Variants in SORCS2 observed in about 807,000 individuals in gnomAD.
The protein encoded by SORCS2 is VPS10 domain-containing receptor SorCS2.
In SORCS2, 100 loss-of-function variants were observed where a neutral mutation model predicts 141.6. That is an observed-to-expected ratio of 0.71 (90% CI 0.60 to 0.83). The LOEUF (loss-of-function observed/expected upper bound fraction) is 0.83, where lower values mean the gene tolerates loss of function less well. SORCS2 is among the 40% of genes least tolerant of loss of function. The pLI, the probability that SORCS2 is intolerant of heterozygous loss-of-function variation, is 0.00. For missense variants in SORCS2, 1,646 were observed against 1,560.2 expected (o/e 1.05, Z -0.93); for synonymous variants, 789 against 676.9 (o/e 1.17, Z -2.57).
chr4:7,706,583 G>C (rs1448990674), intron 14 of SORCS2, among the ~76,000 whole-genome samples: 32 of 144,352 alleles, frequency 2.2e-4, no homozygotes, highest in African/African-American at 8.0e-4. Flanking sequence ...GCTGGGCTCT[G>C]TCTGGGCAGG....
At chr4:7,315,125 A>G (rs1440199649) in intron 1 of SORCS2, among the ~76,000 whole-genome samples, 2 of 152,068 alleles carry the variant, frequency 1.3e-5, no homozygotes, top group Non-Finnish European at 2.9e-5. Context: ...GAGCCACTGC[A>G]CCTGGCCTTG....
intron 2 of SORCS2, among the ~76,000 whole-genome samples, chr4:7,522,469 G>C (rs900541632): frequency 4.6e-5 from 7 of 152,334 alleles, no homozygotes; most frequent in Non-Finnish European, 7.3e-5. Context: ...GGAATGATCA[G>C]CTCCTGAGTT....
intron 2 of SORCS2, among the ~76,000 whole-genome samples, chr4:7,525,641 C>T (rs1013845233): frequency 6.6e-6 from 1 of 152,116 alleles, no homozygotes; most frequent in Admixed American, 6.5e-5. Flanking sequence ...TCCTATTCTT[C>T]CTCTCACTCC....
intron 1 of SORCS2, among the ~76,000 whole-genome samples, chr4:7,394,414 G>A (rs1195708461): frequency 6.8e-6 from 1 of 148,056 alleles, no homozygotes; most frequent in Non-Finnish European, 1.5e-5. Context: ...TGGAGGGGGG[G>A]TGTATGGAGG....
intron 1 of SORCS2, among the ~76,000 whole-genome samples, chr4:7,370,315 A>ACGGGGG (rs1722169550): frequency 6.6e-6 from 1 of 152,170 alleles, no homozygotes; most frequent in Admixed American, 6.5e-5. Context: ...CTGAGCCCGG[A>ACGGGGG]CGGGGGCAGA....
Position 7,571,514 on chromosome 4 carries a change from G to T in SORCS2, c.648+39885G>T, listed in dbSNP as rs903948327. On this transcript the variant is annotated intron_variant, in intron 3 of 26. Transcript: ENST00000507866. ...ACTCAGGGGATGAGATGAGGGACCC[G>T]CAAAATTCTACCTGGGCAGTCCCGT... 2.0e-5 allele frequency among the ~76,000 whole-genome samples: 3 copies of T among 152,072 alleles called. No individual in the cohort carries two copies. In the East Asian group the frequency reaches 5.8e-4, roughly 29 times the overall value.
At chr4:7,573,990 T>C (rs537776124) in intron 3 of SORCS2, among the ~76,000 whole-genome samples, 13 of 152,396 alleles carry the variant, frequency 8.5e-5, no homozygotes, top group South Asian at 6.2e-4. Flanking sequence ...TCTTCCTGAA[T>C]GTCACCTTCT....
Position 7,741,235 on chromosome 4 carries a change from C to T in SORCS2, c.*971C>T, listed in dbSNP as rs373223864. The T allele has an allele frequency of 1.0e-4, 41 of 398,846 alleles. 2 individuals are homozygous for T. The South Asian group carries it at 4.8e-3, about 47-fold the overall frequency. The allele number at this position is 398,846 out of a possible 1,614,324, so 24.7% of individuals were successfully genotyped here. ...CGGGTGGAAACCAAGCTGGGAGAGG[C>T]TGAGGATGGCAGGGCTGGAAGGGCC... is the stretch of plus-strand genomic sequence containing the variant. On this transcript the variant is annotated 3_prime_UTR_variant, in exon 27 of 27. Coordinates refer to ENST00000507866, the MANE Select transcript of SORCS2 (RefSeq NM_020777.3).
intron 1 of SORCS2, among the ~76,000 whole-genome samples, chr4:7,345,942 T>G (rs1158784823): frequency 2.6e-5 from 4 of 152,214 alleles, no homozygotes; most frequent in Admixed American, 2.0e-4. Context: ...CAACTTCTTC[T>G]CTTCCTTCAT....
intron 1 of SORCS2, among the ~76,000 whole-genome samples, chr4:7,268,127 G>A (rs1714869962): frequency 6.6e-6 from 1 of 152,206 alleles, no homozygotes; most frequent in African/African-American, 2.4e-5. Context: ...TCCCCTTGTG[G>A]GGCAGTCCAT....
chr4:7,499,208 G>A (rs572310229), intron 2 of SORCS2, among the ~76,000 whole-genome samples: 14 of 152,156 alleles, frequency 9.2e-5, no homozygotes, highest in Non-Finnish European at 1.0e-4. Flanking sequence ...ATGTGTCTGA[G>A]TGTGTGCACG....
chr4:7,455,427 GTGCT>G, intron 2 of SORCS2, among the ~76,000 whole-genome samples: 1 of 120,698 alleles, frequency 8.3e-6, no homozygotes, highest in Non-Finnish European at 1.7e-5. Context: ...GTTGGGGTCA[GTGCT>G]GTGTGTTGGG....
intron 2 of SORCS2, among the ~76,000 whole-genome samples, chr4:7,494,725 A>G (rs1731509428): frequency 6.6e-6 from 1 of 152,264 alleles, no homozygotes; most frequent in Admixed American, 6.5e-5. Flanking sequence ...AGCTTTGGAC[A>G]TCAGTCCCTG....
In SORCS2 at chr4:7,731,777, A is replaced by G. The variant is rs577924841; in HGVS notation, c.3109-1545A>G. Among the ~76,000 whole-genome samples the G allele has an allele frequency of 5.9e-5, 9 of 152,402 alleles. No individual in the cohort carries two copies. In the South Asian group the frequency reaches 1.9e-3, roughly 32 times the overall value. On this transcript the variant is annotated intron_variant, in intron 23 of 26. Transcript: ENST00000507866. ...TATCCACATGCAGAAGAATGCAATT[A>G]GATTCTTACACCCTCTACAAAATCC...
intron 4 of SORCS2, among the ~76,000 whole-genome samples, chr4:7,644,701 C>T (rs74528520): frequency 6.6e-6 from 1 of 152,236 alleles, no homozygotes; most frequent in East Asian, 1.9e-4. Flanking sequence ...TTCTATGTGC[C>T]CTTCCTGGGC....
intron 2 of SORCS2, among the ~76,000 whole-genome samples, chr4:7,508,609 A>T (rs986734846): frequency 1.5e-4 from 23 of 152,126 alleles, no homozygotes; most frequent in African/African-American, 5.6e-4. Context: ...AAGTGCTGGG[A>T]TTACAGGCAC....
At chr4:7,694,072 C>A (rs1724439100) in intron 11 of SORCS2, among the ~76,000 whole-genome samples, 1 of 152,218 alleles carries the variant, frequency 6.6e-6, no homozygotes, top group Non-Finnish European at 1.5e-5. Flanking sequence ...CCGCAGTCCT[C>A]CTTGGTGAAG....
At chr4:7,497,508 C>T (rs1731701483) in intron 2 of SORCS2, among the ~76,000 whole-genome samples, 2 of 152,238 alleles carry the variant, frequency 1.3e-5, no homozygotes, top group Admixed American at 1.3e-4. Context: ...TGTGGAGATT[C>T]CTTGCCCCGT....
At chr4:7,221,420 C>T (rs1320202920) in intron 1 of SORCS2, among the ~76,000 whole-genome samples, 1 of 152,020 alleles carries the variant, frequency 6.6e-6, no homozygotes, top group Non-Finnish European at 1.5e-5. Context: ...GCGTGACCAG[C>T]GGAACCAGAG....
Sources: gnomAD v4.1 joint callset for allele counts (sites outside exome capture counted in the v4.1 genomes callset) on GRCh38, gnomAD v4.1.1 for gene constraint, MANE v1.5 for transcripts, NCBI Gene and HGNC (gene_info 2026-07-23, HGNC 2026-07-21) for gene names.